The following GMDS variants were observed in gnomAD, a reference collection of about 807,000 sequenced individuals.
GMDS encodes the protein GDP-mannose 4,6-dehydratase.
A neutral mutation model predicts 49.9 loss-of-function variants in GMDS; 20 were observed. The observed-to-expected ratio is 0.40, with a 90% CI of 0.28 to 0.58. GMDS has a LOEUF of 0.58. GMDS is among the 20% of genes least tolerant of loss of function. GMDS has a pLI of 0.42. For synonymous variants in GMDS, 177 were observed against 178.6 expected (o/e 0.99, Z 0.07); for missense variants, 362 against 481.4 (o/e 0.75, Z 2.32).
At chr6:1,757,772 T>C (rs1768003592) in intron 7 of GMDS, among the ~76,000 whole-genome samples, 1 of 152,200 alleles carries the variant, frequency 6.6e-6, no homozygotes, top group Non-Finnish European at 1.5e-5. Context: ...ACTTTCAGGA[T>C]TATTCTAAAA....
intron 9 of GMDS, among the ~76,000 whole-genome samples, chr6:1,724,898 G>A (rs978028706): frequency 6.6e-6 from 1 of 152,186 alleles, no homozygotes; most frequent in African/African-American, 2.4e-5. Context: ...GACAATGCAC[G>A]ACTCCACAGC....
intron 4 of GMDS, among the ~76,000 whole-genome samples, chr6:2,057,279 GATA>G (rs1239900758): frequency 1.3e-5 from 2 of 152,124 alleles, no homozygotes; most frequent in Non-Finnish European, 2.9e-5. Flanking sequence ...GAGGTCTCAT[GATA>G]ATATCTTCTA....
intron 4 of GMDS, among the ~76,000 whole-genome samples, chr6:2,065,748 C>G (rs988624994): frequency 2.6e-5 from 4 of 152,092 alleles, no homozygotes; most frequent in Non-Finnish European, 4.4e-5. Context: ...ACGAGCAAAG[C>G]CTCCAAGAAA....
chr6:2,017,314 T>G (rs568059369), intron 4 of GMDS, among the ~76,000 whole-genome samples: 1 of 150,988 alleles, frequency 6.6e-6, no homozygotes, highest in Non-Finnish European at 1.5e-5. Flanking sequence ...TTTTTATTTT[T>G]TTTTTTCCCC....
At chr6:1,707,238 CT>C (rs2113380897) in intron 9 of GMDS, among the ~76,000 whole-genome samples, 1 of 152,282 alleles carries the variant, frequency 6.6e-6, no homozygotes, top group East Asian at 1.9e-4. Flanking sequence ...GCTAACCATA[CT>C]TTTTAATGTG....
chr6:1,840,839 C>G (rs1757123393), intron 7 of GMDS, among the ~76,000 whole-genome samples: 2 of 152,214 alleles, frequency 1.3e-5, no homozygotes, highest in African/African-American at 4.8e-5. Flanking sequence ...TCTCAACAAA[C>G]AGCGTTCGGG....
At chr6:2,079,005 C>T (rs1332981859) in intron 4 of GMDS, among the ~76,000 whole-genome samples, 3 of 118,264 alleles carry the variant, frequency 2.5e-5, no homozygotes, top group African/African-American at 8.8e-5. Context: ...TTTGTCATTG[C>T]ATAATGACCT....
chr6:1,844,124 G>A (rs746105450), intron 7 of GMDS, among the ~76,000 whole-genome samples: 2 of 152,122 alleles, frequency 1.3e-5, no homozygotes, highest in Non-Finnish European at 2.9e-5. Context: ...CTGACAGATC[G>A]AATTCCCATG....
At position 1,835,783 on chromosome 6, in the gene GMDS, G is replaced by A. The variant is rs6921757; in HGVS notation, c.772-93197C>T. Among the ~76,000 whole-genome samples, 1,329 of 152,218 alleles carry A rather than the reference G, an allele frequency of 8.7e-3. 13 individuals carry two copies. Among genetic ancestry groups the A allele is most frequent in the African/African-American group, 0.029 (1,213 of 41,566 alleles). On this transcript the variant is annotated intron_variant, in intron 7 of 10. Transcript: ENST00000380815. ...TTTGGTAATAGGGCAAAAAATAACT[G>A]TTAAATCAAGGAAAGAAGAGGCCAT...
At chr6:1,655,482 CACACACACACACAT>C (rs764311451) in intron 9 of GMDS, among the ~76,000 whole-genome samples, 542 of 40,730 alleles carry the variant, frequency 0.013, 1 homozygote, top group Middle Eastern at 0.035. Context: ...GCCTTACACA[CACACACACACACAT>C]ACACACACAC....
chr6:1,952,340 A>G (rs921100374), intron 6 of GMDS, among the ~76,000 whole-genome samples: 1 of 152,196 alleles, frequency 6.6e-6, no homozygotes, highest in Non-Finnish European at 1.5e-5. Context: ...ACATACAGAT[A>G]AAAAATTTGT....
chr6:1,967,550 T>G (rs1764331552), intron 4 of GMDS, among the ~76,000 whole-genome samples: 1 of 152,204 alleles, frequency 6.6e-6, no homozygotes, highest in Non-Finnish European at 1.5e-5. Flanking sequence ...AGCTCTAGCA[T>G]AACAATAACA....
At chr6:1,816,240 G>A (rs1770667916) in intron 7 of GMDS, among the ~76,000 whole-genome samples, 1 of 152,164 alleles carries the variant, frequency 6.6e-6, no homozygotes, top group African/African-American at 2.4e-5. Context: ...ATCCCAGGTG[G>A]TATTTATGGA....
intron 4 of GMDS, among the ~76,000 whole-genome samples, chr6:2,114,190 C>G (rs149459168): frequency 6.6e-6 from 1 of 152,144 alleles, no homozygotes; most frequent in East Asian, 1.9e-4. Flanking sequence ...TCTTTCATTA[C>G]AATTTTCAGC....
intron 4 of GMDS, among the ~76,000 whole-genome samples, chr6:2,000,013 T>TATATATA (rs1561962167): frequency 9.8e-5 from 1 of 10,200 alleles, no homozygotes; most frequent in African/African-American, 2.5e-4. Context: ...TATATATTTT[T>TATATATA]TATATATATA....
intron 4 of GMDS, among the ~76,000 whole-genome samples, chr6:2,015,110 G>C (rs756626323): frequency 3.9e-5 from 6 of 152,106 alleles, no homozygotes; most frequent in Non-Finnish European, 8.8e-5. Context: ...TAGAGATGGA[G>C]ACTATACACC....
At chr6:1,932,927 A>G (rs1762364747) in intron 6 of GMDS, among the ~76,000 whole-genome samples, 1 of 152,208 alleles carries the variant, frequency 6.6e-6, no homozygotes, top group African/African-American at 2.4e-5. Flanking sequence ...ATATGCTTCA[A>G]TGGCTTTTCT....
chr6:1,704,120 C>T (rs572166412), intron 9 of GMDS, among the ~76,000 whole-genome samples: 5 of 152,114 alleles, frequency 3.3e-5, no homozygotes, highest in African/African-American at 7.2e-5. Context: ...AACAAGTTAA[C>T]GTTTTTGCTA....
intron 4 of GMDS, among the ~76,000 whole-genome samples, chr6:1,987,622 T>C (rs961308506): frequency 3.3e-5 from 5 of 152,100 alleles, no homozygotes; most frequent in Admixed American, 1.3e-4. Flanking sequence ...GTGAAATATA[T>C]AGTAAGTTCA....
Sources: allele counts gnomAD v4.1 joint callset (sites outside exome capture counted in the v4.1 genomes callset), GRCh38; gene constraint gnomAD v4.1.1; transcripts MANE v1.5; gene names NCBI Gene and HGNC (gene_info 2026-07-23, HGNC 2026-07-21).